WWOX: variants seen among roughly 807,000 people sequenced by gnomAD.
WWOX encodes WW domain containing oxidoreductase, also known as WW domain-containing oxidoreductase.
A neutral mutation model predicts 46.2 loss-of-function variants in WWOX; 69 were observed. The ratio of observed to expected loss-of-function variants is 1.49; its 90% CI spans 1.23 to 1.82. The LOEUF is 1.82. Among genes scored for constraint, WWOX ranks in the 40% most tolerant of loss-of-function variants. The pLI, the probability that WWOX is intolerant of heterozygous loss-of-function variation, is 0.00. For missense variants in WWOX, 919 were observed against 542.6 expected, an observed-to-expected ratio of 1.69 and a Z score of -6.89; for synonymous variants, 359 against 202.6, an observed-to-expected ratio of 1.77 and a Z score of -6.56.
intron 5 of WWOX, among the ~76,000 whole-genome samples, chr16:78,385,291 C>A (rs189119582): frequency 6.6e-6 from 1 of 152,272 alleles, no homozygotes; most frequent in Admixed American, 6.5e-5. Flanking sequence ...CTGTGCTGGA[C>A]TATAACCCAC....
At chr16:78,668,565 A>T (rs1267851224) in intron 8 of WWOX, among the ~76,000 whole-genome samples, 1 of 152,220 alleles carries the variant, frequency 6.6e-6, no homozygotes, top group African/African-American at 2.4e-5. Context: ...AAGGGGCGTG[A>T]CAAAGTTACC....
rs33981779 is a variant in WWOX, at chr16:78,817,172, C to CTTTTTTTTTTTTTTTTT, written c.1056+384431_1056+384447dup. Among the ~76,000 whole-genome samples the CTTTTTTTTTTTTTTTTT allele has an allele frequency of 4.8e-4, 25 of 51,582 alleles. 6 individuals are homozygous for CTTTTTTTTTTTTTTTTT. The highest frequency in any genetic ancestry group is 1.4e-3 in the East Asian group (2 of 1,420). 33.8% of individuals were successfully genotyped at this position (51,582 alleles called of 152,430 possible). ...GTTTTTCTTAAACATTAGTGCTATT[C>CTTTTTTTTTTTTTTTTT]TTTTTTTTTTTTTTTTTTTTTTTTT... On this transcript the variant is annotated intron_variant, in intron 8 of 8. Transcript: ENST00000566780.
chr16:78,287,573 AT>A (rs2079790182), intron 5 of WWOX, among the ~76,000 whole-genome samples: 1 of 151,912 alleles, frequency 6.6e-6, no homozygotes, highest in South Asian at 2.1e-4. Flanking sequence ...TTCCTTTTAA[AT>A]TTTTTCTTTG....
chr16:78,564,102 C>A (rs866098435), intron 8 of WWOX, among the ~76,000 whole-genome samples: 6 of 152,208 alleles, frequency 3.9e-5, no homozygotes, highest in African/African-American at 1.4e-4. Flanking sequence ...AACCTACAGA[C>A]GCAACTGCCT....
chr16:78,517,824 G>GAA (rs200115908), intron 8 of WWOX, among the ~76,000 whole-genome samples: 4 of 124,508 alleles, frequency 3.2e-5, no homozygotes, highest in African/African-American at 8.9e-5. Flanking sequence ...AACAAGAAGT[G>GAA]AAAAAAAAAA....
intron 8 of WWOX, among the ~76,000 whole-genome samples, chr16:78,630,214 G>A (rs1002057255): frequency 6.6e-5 from 10 of 152,190 alleles, no homozygotes; most frequent in African/African-American, 2.4e-4. Flanking sequence ...AGTTTCACAA[G>A]GCCAGGCACT....
At chr16:78,141,762 TG>T (rs2033996030) in intron 4 of WWOX, among the ~76,000 whole-genome samples, 2 of 152,266 alleles carry the variant, frequency 1.3e-5, no homozygotes, top group Admixed American at 6.5e-5. Flanking sequence ...TGGTTTTTTT[TG>T]GATAGAAATT....
intron 8 of WWOX, among the ~76,000 whole-genome samples, chr16:78,635,487 C>G (rs1156894143): frequency 6.6e-6 from 1 of 152,110 alleles, no homozygotes; most frequent in Admixed American, 6.5e-5. Context: ...AAGTCGTGCA[C>G]CTGGGTTCAT....
At chr16:79,145,057 G>C (rs991993679) in intron 8 of WWOX, among the ~76,000 whole-genome samples, 1 of 152,174 alleles carries the variant, frequency 6.6e-6, no homozygotes, top group Non-Finnish European at 1.5e-5. Flanking sequence ...GTAAGTGAGC[G>C]CGTTCTTGGA....
At chr16:79,033,370 A>C (rs770601041) in intron 8 of WWOX, among the ~76,000 whole-genome samples, 16 of 149,898 alleles carry the variant, frequency 1.1e-4, no homozygotes, top group Non-Finnish European at 1.9e-4. Flanking sequence ...AATATATAAT[A>C]GACTCTATAA....
chr16:78,516,003 T>A (rs765110442), intron 8 of WWOX, among the ~76,000 whole-genome samples: 14 of 152,068 alleles, frequency 9.2e-5, no homozygotes, highest in Non-Finnish European at 1.8e-4. Context: ...CCCCCTTTTC[T>A]CTTCTCTCCC....
chr16:78,742,632 G>A (rs2049256121), intron 8 of WWOX, among the ~76,000 whole-genome samples: 1 of 152,190 alleles, frequency 6.6e-6, no homozygotes, highest in Non-Finnish European at 1.5e-5. Flanking sequence ...TGCCCTGGCT[G>A]CGCTGGTGAC....
chr16:78,455,777 G>C (rs7197248), intron 8 of WWOX, among the ~76,000 whole-genome samples: 40,294 of 150,970 alleles, frequency 0.27, 9,035 homozygotes, highest in African/African-American at 0.61. Context: ...AATGATGCCT[G>C]GGGGAGGTGA....
At chr16:78,415,185 C>T (rs7194682) in intron 6 of WWOX, among the ~76,000 whole-genome samples, 8,123 of 151,336 alleles carry the variant, frequency 0.054, 698 homozygotes, top group African/African-American at 0.19. Flanking sequence ...AGGCAGTTCC[C>T]GGAAGTGAGG....
intron 8 of WWOX, among the ~76,000 whole-genome samples, chr16:78,833,786 C>T (rs2051897884): frequency 1.3e-5 from 2 of 152,232 alleles, no homozygotes; most frequent in Non-Finnish European, 2.9e-5. Flanking sequence ...ATAAGAGGAT[C>T]CGATAAATTA....
At chr16:78,449,794 G>C (rs2083648097) in intron 8 of WWOX, among the ~76,000 whole-genome samples, 1 of 152,146 alleles carries the variant, frequency 6.6e-6, no homozygotes, top group Non-Finnish European at 1.5e-5. Flanking sequence ...TGTTGCTTTA[G>C]TAGAAGGGGC....
In WWOX at chr16:79,068,842, AATAATAATAAT is replaced by A. The variant is rs1185690788; in HGVS notation, c.1057-142764_1057-142754del. ...ACCCAATAATAATAATAATAATAAT[AATAATAATAAT>A]AATAATAATAAAGAAAGCGAGAGAG... On this transcript the variant is annotated intron_variant, in intron 8 of 8. Transcript: ENST00000566780. Among the ~76,000 whole-genome samples, 181 of 148,500 alleles carry A rather than the reference AATAATAATAAT, an allele frequency of 1.2e-3. 3 individuals carry two copies. In the South Asian group the frequency reaches 0.019, roughly 16 times the overall value.
intron 8 of WWOX, among the ~76,000 whole-genome samples, chr16:78,642,687 C>T (rs1177675394): frequency 6.6e-6 from 1 of 152,110 alleles, no homozygotes; most frequent in Non-Finnish European, 1.5e-5. Flanking sequence ...ATGGCAGTTC[C>T]CACCTCGACC....
chr16:78,964,838 C>T (rs1179458820), intron 8 of WWOX, among the ~76,000 whole-genome samples: 3 of 152,184 alleles, frequency 2.0e-5, no homozygotes, highest in South Asian at 4.1e-4. Flanking sequence ...GACTTGGTGC[C>T]CTGTGTCCCA....
Sources: gnomAD v4.1 joint callset for allele counts (sites outside exome capture counted in the v4.1 genomes callset) on GRCh38, gnomAD v4.1.1 for gene constraint, MANE v1.5 for transcripts, NCBI Gene and HGNC (gene_info 2026-07-23, HGNC 2026-07-21) for gene names.